Variants in RAPGEF4 observed in about 807,000 individuals in gnomAD.
RAPGEF4 encodes the protein Rap guanine nucleotide exchange factor 4.
In RAPGEF4, 66 loss-of-function variants were observed where a neutral mutation model predicts 147.9. That is an observed-to-expected ratio of 0.45 (90% CI 0.37 to 0.55). The LOEUF (loss-of-function observed/expected upper bound fraction) is 0.55. Among genes scored for constraint, RAPGEF4 ranks in the 20% least tolerant of loss-of-function variants. RAPGEF4 has a pLI of 0.00. For synonymous variants in RAPGEF4, 419 were observed against 442.7 expected, an observed-to-expected ratio of 0.95 and a Z score of 0.67; for missense variants, 1,071 against 1,257.3, an observed-to-expected ratio of 0.85 and a Z score of 2.24.
intron 4 of RAPGEF4, among the ~76,000 whole-genome samples, chr2:172,878,498 G>A (rs2149841234): frequency 6.6e-6 from 1 of 152,214 alleles, no homozygotes; most frequent in South Asian, 2.1e-4. Context: ...TATTTCTGTA[G>A]TTATTCCTGT....
chr2:172,865,697 C>T (rs1049632304), intron 4 of RAPGEF4, among the ~76,000 whole-genome samples: 66 of 152,140 alleles, frequency 4.3e-4, no homozygotes, highest in African/African-American at 1.5e-3. Context: ...AGCACACTAG[C>T]CTGTCTTGGT....
intron 26 of RAPGEF4, among the ~76,000 whole-genome samples, chr2:173,031,041 A>G (rs1297516217): frequency 6.6e-6 from 1 of 152,244 alleles, no homozygotes; most frequent in African/African-American, 2.4e-5. Context: ...GGACACAGAA[A>G]GAGGGCAAGG....
At chr2:172,973,767 C>A (rs1690771375) in intron 10 of RAPGEF4, among the ~76,000 whole-genome samples, 1 of 152,078 alleles carries the variant, frequency 6.6e-6, no homozygotes, top group South Asian at 2.1e-4. Context: ...ACTGGAGGGG[C>A]CAACTAAAGA....
At position 172,909,198 on chromosome 2, in the gene RAPGEF4, A is replaced by T. The variant is rs553704066; in HGVS notation, c.445-8604A>T. Reference sequence around the variant, plus strand: ...GGGCCTTGTAGAAGCTTCTCTGGACATGAGCAGGATGCTCTGTAACAAAAG... The same window carrying T: ...GGGCCTTGTAGAAGCTTCTCTGGACTTGAGCAGGATGCTCTGTAACAAAAG... On this transcript the variant is annotated intron_variant, in intron 4 of 30. Coordinates refer to ENST00000397081, the MANE Select transcript of RAPGEF4 (RefSeq NM_007023.4). Among the ~76,000 whole-genome samples, 44 of 152,306 alleles carry T rather than the reference A, an allele frequency of 2.9e-4. No individual in the cohort carries two copies. The South Asian group carries it at 8.9e-3, about 31-fold the overall frequency.
intron 4 of RAPGEF4, among the ~76,000 whole-genome samples, chr2:172,905,764 T>C (rs1699561594): frequency 6.6e-6 from 1 of 152,216 alleles, no homozygotes; most frequent in Non-Finnish European, 1.5e-5. Flanking sequence ...AGAATTTTGC[T>C]TCCACGTAGA....
intron 1 of RAPGEF4, among the ~76,000 whole-genome samples, chr2:172,766,707 A>T (rs1009606832): frequency 2.0e-5 from 3 of 152,110 alleles, no homozygotes; most frequent in African/African-American, 4.8e-5. Context: ...CAACACCAAC[A>T]GTGGATGTGC....
chr2:172,923,824 G>A (rs1241105097), intron 6 of RAPGEF4, among the ~76,000 whole-genome samples: 1 of 152,176 alleles, frequency 6.6e-6, no homozygotes, highest in African/African-American at 2.4e-5. Flanking sequence ...TATTAATGTG[G>A]TTAGTATTTT....
At chr2:172,763,025 A>T (rs1326021577) in intron 1 of RAPGEF4, among the ~76,000 whole-genome samples, 1 of 152,172 alleles carries the variant, frequency 6.6e-6, no homozygotes, top group Non-Finnish European at 1.5e-5. Flanking sequence ...TTATTTTTTG[A>T]AACTAAGGTC....
intron 4 of RAPGEF4, among the ~76,000 whole-genome samples, chr2:172,831,361 C>T (rs552543141): frequency 1.1e-3 from 149 of 139,020 alleles, no homozygotes; most frequent in Non-Finnish European, 1.9e-3. Context: ...CTTTGCCTCC[C>T]GGGTTCAAGC....
chr2:173,028,735 C>T (rs536069518), intron 25 of RAPGEF4, among the ~76,000 whole-genome samples: 1 of 113,138 alleles, frequency 8.8e-6, no homozygotes, highest in African/African-American at 3.4e-5. Flanking sequence ...AGACTGTAGA[C>T]TTTTTAAATC....
At chr2:173,001,993 CAA>C (rs11397728) in intron 17 of RAPGEF4, among the ~76,000 whole-genome samples, 10,926 of 79,218 alleles carry the variant, frequency 0.14, 849 homozygotes, top group African/African-American at 0.26. Flanking sequence ...GTGATGCTGG[CAA>C]AAAAAAAAAA....
In RAPGEF4 at chr2:172,990,678, T is replaced by G. The variant is rs1313416479; in HGVS notation, c.1375-132T>G. ...TCTCTGACCGTTCCAGCCCTTGACT[T>G]TGAAAATGACTTAATTTGTAGACGC... On this transcript the variant is annotated intron_variant, in intron 14 of 30. Coordinates refer to ENST00000397081, the MANE Select transcript of RAPGEF4 (RefSeq NM_007023.4). The G allele has an allele frequency of 4.5e-6, 3 of 668,900 alleles. No homozygotes were observed. The East Asian group carries it at 8.2e-5, about 18-fold the overall frequency. The allele number at this position is 668,900 out of a possible 1,614,324, so 41.4% of individuals were successfully genotyped here.
rs182299726 is a variant in RAPGEF4 at position 172,998,204 on chromosome 2, A to G, written c.1579+1650A>G. On this transcript the variant is annotated intron_variant, in intron 16 of 30. Transcript: ENST00000397081. ...ACACTGACTAGGTGAGGGATCTAGA[A>G]AAGTATCATGGAAAATATAGAGTGG... Among the ~76,000 whole-genome samples the G allele has an allele frequency of 4.1e-3, 620 of 152,322 alleles. 4 individuals are homozygous for G. The highest frequency in any genetic ancestry group is 6.8e-3 in the Middle Eastern group (2 of 294).
chr2:172,806,641 G>A (rs1207659687), intron 3 of RAPGEF4, among the ~76,000 whole-genome samples: 1 of 152,180 alleles, frequency 6.6e-6, no homozygotes, highest in Non-Finnish European at 1.5e-5. Flanking sequence ...AAATGTACTT[G>A]GGATTTGAAA....
chr2:172,743,506 C>A (rs964342829), intron 1 of RAPGEF4, among the ~76,000 whole-genome samples: 2 of 152,184 alleles, frequency 1.3e-5, no homozygotes, highest in Admixed American at 1.3e-4. Context: ...TGTGGCTTAT[C>A]TTCTAGACCA....
At chr2:173,016,463 T>C (rs1222773300) in intron 19 of RAPGEF4, 26 bp downstream of exon 19, 10 of 1,551,246 alleles carry the variant, frequency 6.4e-6, no homozygotes, top group Non-Finnish European at 8.9e-6. Flanking sequence ...ACTGTGGGGG[T>C]GTGCTTTCAT....
chr2:172,971,755 A>ATT (rs10670731), intron 10 of RAPGEF4, among the ~76,000 whole-genome samples: 2,531 of 149,194 alleles, frequency 0.017, 78 homozygotes, highest in African/African-American at 0.059. Context: ...CACATACCCC[A>ATT]TTTTTTTTTT....
At chr2:172,749,135 G>A (rs1477407945) in intron 1 of RAPGEF4, among the ~76,000 whole-genome samples, 1 of 152,222 alleles carries the variant, frequency 6.6e-6, no homozygotes, top group Non-Finnish European at 1.5e-5. Flanking sequence ...AGTGCAAGCT[G>A]TTGGTGGATC....
intron 4 of RAPGEF4, among the ~76,000 whole-genome samples, chr2:172,821,173 T>G (rs1689023311): frequency 6.6e-6 from 1 of 152,238 alleles, no homozygotes; most frequent in Non-Finnish European, 1.5e-5. Flanking sequence ...TTGTATGGCT[T>G]TATCCACCAT....
Sources: gnomAD v4.1 joint callset for allele counts (sites outside exome capture counted in the v4.1 genomes callset) on GRCh38, gnomAD v4.1.1 for gene constraint, MANE v1.5 for transcripts, NCBI Gene and HGNC (gene_info 2026-07-23, HGNC 2026-07-21) for gene names.